Variants in MAGI2 observed in about 807,000 individuals in gnomAD.
MAGI2 encodes membrane-associated guanylate kinase, WW and PDZ domain-containing protein 2.
In MAGI2, 35 loss-of-function variants were observed where a neutral mutation model predicts 133.3. The observed-to-expected ratio is 0.26, with a 90% confidence interval of 0.20 to 0.35. The LOEUF is 0.35. MAGI2 is among the 10% of genes least tolerant of loss of function. MAGI2 has a pLI of 1.00. For synonymous variants in MAGI2, 729 were observed against 710.6 expected, an observed-to-expected ratio of 1.03 and a Z score of -0.41; for missense variants, 1,636 against 1,863.4, an observed-to-expected ratio of 0.88 and a Z score of 2.25.
chr7:78,517,033 T>C (rs62468569), intron 4 of MAGI2, among the ~76,000 whole-genome samples: 1 of 152,126 alleles, frequency 6.6e-6, no homozygotes, highest in African/African-American at 2.4e-5. Flanking sequence ...TGCTGTCCAG[T>C]GGGCAGCAGT....
intron 1 of MAGI2, among the ~76,000 whole-genome samples, chr7:79,231,842 T>G (rs1831399841): frequency 6.6e-6 from 1 of 150,958 alleles, no homozygotes; most frequent in Non-Finnish European, 1.5e-5. Flanking sequence ...TGAATAGGAG[T>G]GGTGAGAGAG....
intron 20 of MAGI2, among the ~76,000 whole-genome samples, chr7:78,124,232 A>G (rs1460754262): frequency 1.3e-5 from 2 of 152,152 alleles, no homozygotes; most frequent in Non-Finnish European, 2.9e-5. Flanking sequence ...TAGCAGGTTA[A>G]GAAAGTGTCC....
intron 16 of MAGI2, among the ~76,000 whole-genome samples, chr7:78,157,093 A>T (rs900058799): frequency 6.6e-6 from 1 of 152,232 alleles, no homozygotes; most frequent in East Asian, 1.9e-4. Context: ...AGAATTCAAA[A>T]TTATCACAGA....
intron 4 of MAGI2, among the ~76,000 whole-genome samples, chr7:78,516,645 G>A (rs62468568): frequency 0.094 from 14,368 of 152,186 alleles, 812 homozygotes; most frequent in Middle Eastern, 0.2. Context: ...GAGTCATCAC[G>A]CCCTGCCATG....
chr7:78,604,236 A>G (rs1430167472), intron 3 of MAGI2, among the ~76,000 whole-genome samples: 2 of 152,206 alleles, frequency 1.3e-5, no homozygotes, highest in African/African-American at 2.4e-5. Flanking sequence ...CAAAGAGAAC[A>G]GTAGGTAGGA....
At chr7:79,138,726 C>T (rs977102242) in intron 1 of MAGI2, among the ~76,000 whole-genome samples, 1 of 152,034 alleles carries the variant, frequency 6.6e-6, no homozygotes, top group African/African-American at 2.4e-5. Flanking sequence ...TCAAAGATGG[C>T]CAGGCGCGGT....
At chr7:78,194,833 C>T in intron 12 of MAGI2, 41 bp downstream of exon 12, 2 of 1,472,268 alleles carry the variant, frequency 1.4e-6, no homozygotes, top group Non-Finnish European at 1.8e-6. Context: ...AGGGCCTCAG[C>T]TATTATTAAT....
At chr7:79,241,866 C>T (rs1832443405) in intron 1 of MAGI2, among the ~76,000 whole-genome samples, 1 of 152,144 alleles carries the variant, frequency 6.6e-6, no homozygotes, top group Admixed American at 6.5e-5. Context: ...CATGATTCAG[C>T]CCATCCTGTG....
intron 9 of MAGI2, among the ~76,000 whole-genome samples, chr7:78,262,067 G>T (rs1793566978): frequency 6.6e-6 from 1 of 152,084 alleles, no homozygotes; most frequent in Non-Finnish European, 1.5e-5. Flanking sequence ...TTCCCAGATG[G>T]TCTCCTTAGA....
chr7:78,152,993 G>A (rs1432844306), intron 16 of MAGI2, among the ~76,000 whole-genome samples: 1 of 152,226 alleles, frequency 6.6e-6, no homozygotes, highest in African/African-American at 2.4e-5. Context: ...GTGAGAAATA[G>A]AGAAATGAAT....
In MAGI2 at chr7:78,047,863, T is replaced by C. The variant is rs1811590887; in HGVS notation, c.3707-27887A>G. On this transcript the variant is annotated intron_variant, in intron 21 of 21. Transcript: ENST00000354212. Reference sequence around the variant, plus strand: ...CCCTTGCTTGCGTTGATTTTGCCTATGACTGGATTGCCCCACTGCCTCTCT... The same window carrying C: ...CCCTTGCTTGCGTTGATTTTGCCTACGACTGGATTGCCCCACTGCCTCTCT... Among the ~76,000 whole-genome samples the C allele has an allele frequency of 2.6e-5, 4 of 152,206 alleles. No homozygotes were observed. The South Asian group carries it at 6.2e-4, about 24-fold the overall frequency.
intron 1 of MAGI2, among the ~76,000 whole-genome samples, chr7:79,035,377 C>T (rs79259375): frequency 0.13 from 19,938 of 152,072 alleles, 2,044 homozygotes; most frequent in African/African-American, 0.29. Context: ...GTGATTCATA[C>T]TATGTGATTG....
At chr7:79,329,266 A>G (rs534622721) in intron 1 of MAGI2, among the ~76,000 whole-genome samples, 4 of 152,254 alleles carry the variant, frequency 2.6e-5, no homozygotes, top group Non-Finnish European at 5.9e-5. Context: ...CATTAAAAGC[A>G]TCTCAATTCA....
At chr7:79,271,833 C>A (rs1834902052) in intron 1 of MAGI2, among the ~76,000 whole-genome samples, 1 of 151,980 alleles carries the variant, frequency 6.6e-6, no homozygotes, top group African/African-American at 2.4e-5. Context: ...AAAATTTTCT[C>A]AAGTACTTCC....
intron 1 of MAGI2, among the ~76,000 whole-genome samples, chr7:79,415,906 T>C (rs1324580166): frequency 6.6e-6 from 1 of 152,082 alleles, no homozygotes; most frequent in Admixed American, 6.6e-5. Flanking sequence ...GGTCGGGGAA[T>C]AGCAGGAGGT....
At chr7:79,209,561 A>G (rs1829329432) in intron 1 of MAGI2, among the ~76,000 whole-genome samples, 1 of 152,006 alleles carries the variant, frequency 6.6e-6, no homozygotes, top group Non-Finnish European at 1.5e-5. Flanking sequence ...TATCCCACAG[A>G]GTTCTACTTT....
At chr7:78,488,269 G>A (rs1280077808) in intron 6 of MAGI2, among the ~76,000 whole-genome samples, 4 of 152,020 alleles carry the variant, frequency 2.6e-5, no homozygotes, top group African/African-American at 9.7e-5. Context: ...AAGCAGAGAT[G>A]TGGGAAAAAC....
chr7:78,112,114 G>T (rs1819421862), intron 20 of MAGI2, among the ~76,000 whole-genome samples: 1 of 152,146 alleles, frequency 6.6e-6, no homozygotes, highest in Non-Finnish European at 1.5e-5. Flanking sequence ...TGTGGGGTTG[G>T]TATATTCTGC....
At chr7:78,418,765 T>C (rs1208268334) in intron 6 of MAGI2, among the ~76,000 whole-genome samples, 2 of 152,162 alleles carry the variant, frequency 1.3e-5, no homozygotes, top group Non-Finnish European at 2.9e-5. Context: ...ATATAGCCAT[T>C]TCACAATGCT....
Sources: gnomAD v4.1 joint callset for allele counts (sites outside exome capture counted in the v4.1 genomes callset) on GRCh38, gnomAD v4.1.1 for gene constraint, MANE v1.5 for transcripts, NCBI Gene and HGNC (gene_info 2026-07-23, HGNC 2026-07-21) for gene names.